ZNF28: variants seen among roughly 807,000 people sequenced by gnomAD.
ZNF28 encodes the protein zinc finger protein 28, also known as zinc finger protein KOX24.
A neutral mutation model predicts 7.2 loss-of-function variants in ZNF28; 5 were observed. The observed-to-expected ratio is 0.70, with a 90% CI of 0.36 to 1.46. ZNF28 has a LOEUF of 1.46. Among genes scored for constraint, ZNF28 ranks in the 40% most tolerant of loss-of-function variants. The probability of loss-of-function intolerance (pLI) is 0.03; values close to 1 mark genes in which losing one functional copy is unlikely to be tolerated. For missense variants in ZNF28, 879 were observed against 866.6 expected, an observed-to-expected ratio of 1.01 and a Z score of -0.18; for synonymous variants, 288 against 292.4, an observed-to-expected ratio of 0.99 and a Z score of 0.15.
At chr19:52,818,153 A>C in intron 1 of ZNF28, 122 bp from the exon 2 acceptor site, 5 of 1,051,856 alleles carry the variant, frequency 4.8e-6, no homozygotes, top group Non-Finnish European at 6.6e-6. Context: ...TGCCTACCGC[A>C]CCACGAACAA....
intron 3 of ZNF28, among the ~76,000 whole-genome samples, chr19:52,803,464 T>C (rs2062899125): frequency 1.3e-5 from 2 of 152,300 alleles, no homozygotes; most frequent in Admixed American, 1.3e-4. Context: ...TAAAAATCAA[T>C]TAATCAAATA....
chr19:52,820,913 G>C (rs972950126), intron 1 of ZNF28, among the ~76,000 whole-genome samples: 1 of 151,728 alleles, frequency 6.6e-6, no homozygotes, highest in Non-Finnish European at 1.5e-5. Flanking sequence ...CCCTCTCTCT[G>C]TCTCCTGATC....
chr19:52,810,733 G>T, intron 2 of ZNF28: 1 of 588,516 alleles, frequency 1.7e-6, no homozygotes, highest in Non-Finnish European at 3.0e-6. Flanking sequence ...AGGAGAGAGA[G>T]GAAAAAAAGA....
At chr19:52,803,562 G>C (rs188901651) in intron 3 of ZNF28, among the ~76,000 whole-genome samples, 1 of 152,260 alleles carries the variant, frequency 6.6e-6, no homozygotes, top group East Asian at 1.9e-4. Flanking sequence ...TAAGAAAAAA[G>C]CCAAAACTTG....
intron 1 of ZNF28, among the ~76,000 whole-genome samples, chr19:52,818,885 GAAAAAAA>G (rs561203089): frequency 6.1e-5 from 7 of 114,324 alleles, no homozygotes; most frequent in Admixed American, 9.5e-5. Flanking sequence ...GTCTGTTTGG[GAAAAAAA>G]AAAAAAAAAA....
Position 52,800,952 on chromosome 19 carries a change from G to A in ZNF28, c.893C>T (p.Pro298Leu), listed in dbSNP as rs1184872813. The change falls in exon 4 of 4, where the codon CCT becomes CTT. Residue 298 changes from proline (P) to leucine (L), a missense_variant. By Grantham distance (98) the Pro-to-Leu change is moderately conservative. Transcript: ENST00000457749. ...TTTGTCACATTCTTCACATTCATAA[G>A]GTTTGTCTGCAGTATGAAGCGCCTT... ...LHKALHTADK[P>L]YECEECDKVF... 2 of 1,614,164 alleles carry A rather than the reference G, an allele frequency of 1.2e-6. No individual in the cohort carries two copies. Among genetic ancestry groups the A allele is most frequent in the East Asian group, 2.2e-5 (1 of 44,884 alleles).
Position 52,798,934 on chromosome 19 carries a change from G to GT in ZNF28, c.*753dup. On this transcript the variant is annotated 3_prime_UTR_variant, in exon 4 of 4. Transcript: ENST00000457749. ...AGGCTTTGCCACACTCATTGCACTT[G>GT]TAAGGTTTCTCTCCAGTGTGAATTC... The GT allele has an allele frequency of 7.0e-7, 1 of 1,424,338 alleles. No individual in the cohort carries two copies. The highest frequency in any genetic ancestry group is 2.9e-5 in the East Asian group (1 of 34,240). The allele number at this position is 1,424,338 out of a possible 1,614,324, so 88.2% of individuals were successfully genotyped here.
At chr19:52,802,025 A>T (rs1237047190) in intron 3 of ZNF28, among the ~76,000 whole-genome samples, 1 of 152,230 alleles carries the variant, frequency 6.6e-6, no homozygotes, top group Non-Finnish European at 1.5e-5. Context: ...TCACTATCAC[A>T]TCAAAAAAAG....
chr19:52,818,458 A>G (rs2063154666), intron 1 of ZNF28, among the ~76,000 whole-genome samples: 1 of 152,128 alleles, frequency 6.6e-6, no homozygotes, highest in African/African-American at 2.4e-5. Flanking sequence ...CATGCCTGTA[A>G]TACCAACACT....
chr19:52,810,299 T>G, intron 2 of ZNF28: 1 of 1,540,056 alleles, frequency 6.5e-7, no homozygotes, highest in East Asian at 2.3e-5. Flanking sequence ...AGATGGAGGC[T>G]GATGCCCGTT....
intron 2 of ZNF28, among the ~76,000 whole-genome samples, chr19:52,810,866 C>T (rs1348016066): frequency 6.1e-4 from 1 of 1,628 alleles, no homozygotes; most frequent in African/African-American, 3.0e-3. Context: ...TCTCCCCCTC[C>T]CCCTCCCCCT....
intron 2 of ZNF28, 136 bp from the exon 3 acceptor site, chr19:52,808,269 C>T: frequency 1.3e-6 from 2 of 1,486,942 alleles, no homozygotes; most frequent in Non-Finnish European, 1.8e-6. Flanking sequence ...TTTTTCACCA[C>T]ATGATGTTTT....
Position 52,808,069 on chromosome 19 carries a change from G to C in ZNF28, c.80C>G (p.Pro27Arg). 6.2e-7 allele frequency: 1 copy of C among 1,613,558 alleles called. No individual in the cohort carries two copies. Among genetic ancestry groups the C allele is most frequent in the Non-Finnish European group, 8.5e-7 (1 of 1,179,572 alleles). Residue 27 changes from proline to arginine, a missense_variant, in exon 3 of 4, where the codon CCT becomes CGT. Physicochemically the swap from Pro to Arg is moderately radical, Grantham distance 103. Around this residue, in one of 2 missense-constraint regions of ZNF28, gnomAD observed 864 missense variants for 830.2 expected, o/e 1.04. Transcript: ENST00000457749. ...ATCCCTGTAAAGAGTCCTCTGAGCA[G>C]GGTCCAGGCATTTCCACTCCTCCTG... ...FSQEEWKCLD[P>R]AQRTLYRDVM...
intron 3 of ZNF28, among the ~76,000 whole-genome samples, chr19:52,804,117 C>T (rs2062907143): frequency 3.3e-5 from 5 of 152,114 alleles, no homozygotes; most frequent in South Asian, 2.1e-4. Context: ...CATTAAAGAG[C>T]GTGTTGCCTG....
At chr19:52,804,621 G>A (rs570028732) in intron 3 of ZNF28, among the ~76,000 whole-genome samples, 2 of 152,152 alleles carry the variant, frequency 1.3e-5, no homozygotes, top group African/African-American at 2.4e-5. Context: ...TCAACCGATC[G>A]CAGTCTCCCA....
chr19:52,803,593 C>T (rs1301666716), intron 3 of ZNF28, among the ~76,000 whole-genome samples: 7 of 152,144 alleles, frequency 4.6e-5, no homozygotes, highest in African/African-American at 1.7e-4. Context: ...CAGCACACAA[C>T]ATAAGAACTG....
In ZNF28 at chr19:52,801,480, C is replaced by T. The variant is rs773928507; in HGVS notation, c.365G>A (p.Ser122Asn). ...ATGCCTTTGATCATGTTGGCCTGTA[C>T]TACCAGTCAACTCTTTGATTTCTGT... ...PMTEIKELTG[S>N]TGQHDQRHAG... is the part of the protein sequence containing the mutation. The change falls in exon 4 of 4, where the codon AGT (serine) becomes AAT (asparagine). Residue 122 changes from serine (S) to asparagine (N), a missense_variant. Ser to Asn is a conservative substitution (Grantham distance 46). This residue lies in a region of ZNF28 where 864 missense variants were observed against 830.2 expected (regional missense o/e 1.04). Transcript: ENST00000457749. 2.2e-5 allele frequency: 36 copies of T among 1,614,014 alleles called. No individual in the cohort carries two copies. In the East Asian group the frequency reaches 7.8e-4, roughly 35 times the overall value.
At chr19:52,818,406 C>G (rs1323310505) in intron 1 of ZNF28, among the ~76,000 whole-genome samples, 1 of 151,872 alleles carries the variant, frequency 6.6e-6, no homozygotes, top group Admixed American at 6.6e-5. Flanking sequence ...GAGAAACCCT[C>G]TCTCTACTAA....
rs774259006 is a variant in ZNF28, at chr19:52,800,836, T to C, written c.1009A>G (p.Thr337Ala). The change falls in exon 4 of 4, where the codon ACA becomes GCA. Residue 337 changes from threonine to alanine, a missense_variant. Thr to Ala is a moderately conservative substitution (Grantham distance 58). Around this residue, in one of 2 missense-constraint regions of ZNF28, gnomAD observed 864 missense variants for 830.2 expected, o/e 1.04. Coordinates refer to ENST00000457749, the MANE Select transcript of ZNF28 (RefSeq NM_006969.5). ...YKCKVCDKAF[T>A]CNSYLAKHTI... ...TGTTTTGCTAGGTATGAATTACATG[T>C]GAAAGCTTTGTCACAAACCTTACAT... 7 of 1,613,834 alleles carry C rather than the reference T, an allele frequency of 4.3e-6. No individual in the cohort carries two copies. The highest frequency in any genetic ancestry group is 1.6e-4 in the Middle Eastern group (1 of 6,080).
Sources: gnomAD v4.1 joint callset for allele counts (sites outside exome capture counted in the v4.1 genomes callset) on GRCh38, gnomAD v4.1.1 for gene constraint, gnomAD v4.1.1 regional missense constraint, MANE v1.5 for transcripts, NCBI Gene and HGNC (gene_info 2026-07-23, HGNC 2026-07-21) for gene names.